Variants in EPRS1 observed in about 807,000 individuals in gnomAD.
EPRS1 encodes glutamyl-prolyl-tRNA synthetase 1, also known as bifunctional glutamate/proline--tRNA ligase.
In EPRS1, 107 loss-of-function variants were observed where a neutral mutation model predicts 188.3. The ratio of observed to expected loss-of-function variants is 0.57; its 90% CI spans 0.49 to 0.67. EPRS1 has a LOEUF of 0.67. Ranked by LOEUF, EPRS1 falls within the 30% of genes least tolerant of loss-of-function variation. The probability of loss-of-function intolerance (pLI) is 0.00; values close to 1 mark genes in which losing one functional copy is unlikely to be tolerated. For synonymous variants in EPRS1, 596 were observed against 593.1 expected (o/e 1.00, Z -0.07); for missense variants, 1,577 against 1,802.2 (o/e 0.88, Z 2.26).
intron 12 of EPRS1, among the ~76,000 whole-genome samples, chr1:220,015,789 TAATATAAAAAAAAAA>T (rs1439676922): frequency 2.4e-5 from 2 of 82,976 alleles, no homozygotes; most frequent in African/African-American, 6.0e-5. Flanking sequence ...AGCAAGAAGG[TAATATAAAAAAAAAA>T]AAAAGAAGAT....
rs780874173 is a variant in EPRS1, at chr1:219,979,533, T to G, written c.3794A>C (p.Lys1265Thr). The change falls in exon 27 of 32, where the codon AAG (lysine) becomes ACG (threonine). Residue 1265 changes from lysine (K) to threonine (T), a missense_variant. This residue lies in a region of EPRS1 where 296 missense variants were observed against 327.9 expected (regional missense o/e 0.90). Coordinates refer to ENST00000366923, the MANE Select transcript of EPRS1 (RefSeq NM_004446.3). ...VFEDPKIPGE[K>T]QFAYQNSWGL... ...CCAGGAGTTTTGATAGGCAAATTGC[T>G]TCTCTCCTGGTATCTTTGGATCTTC... 6.2e-7 allele frequency: 1 copy of G among 1,613,902 alleles called. No homozygotes were observed. The highest frequency in any genetic ancestry group is 1.1e-5 in the South Asian group (1 of 91,076).
rs907839129 is a variant in EPRS1 at position 220,018,056 on chromosome 1, A to G, written c.1494+393T>C. 25 of 870,434 alleles carry G rather than the reference A, an allele frequency of 2.9e-5. No homozygotes were observed. In the Admixed American group the frequency reaches 6.4e-4, roughly 22 times the overall value. The allele number at this position is 870,434 out of a possible 1,614,324, so 53.9% of individuals were successfully genotyped here. A position where few individuals can be genotyped will look rare whatever the true frequency, so the allele number is the denominator to read the frequency against. On this transcript the variant is annotated intron_variant, in intron 12 of 31. Transcript: ENST00000366923. ...ATGTGATTGTGCTTCAAAGCCATATAACATCTCAGGTTTTAACATGTAATA... is the reference window on the plus strand; with the variant it reads ...ATGTGATTGTGCTTCAAAGCCATATGACATCTCAGGTTTTAACATGTAATA...
intron 30 of EPRS1, among the ~76,000 whole-genome samples, chr1:219,971,252 C>G (rs1660658988): frequency 6.6e-6 from 1 of 152,142 alleles, no homozygotes; most frequent in African/African-American, 2.4e-5. Context: ...ATAAGTGATT[C>G]ATTCCAATAA....
intron 12 of EPRS1, chr1:220,018,235 T>C: frequency 8.9e-7 from 1 of 1,128,972 alleles, no homozygotes. Flanking sequence ...AGTTTGTTTG[T>C]TTCAATCATT....
In EPRS1 at chr1:219,983,214, G is replaced by A; in HGVS notation, c.3275C>T (p.Thr1092Ile). ...CTCTGGGGCAAAGTCAGCAACATGA[G>A]TCTTCTCTTTCTCTAATGCACTTTG... is the stretch of plus-strand genomic sequence containing the variant. ...VSQSALEKEKTHVADFAPEVA... is the reference protein window; with the variant it reads ...VSQSALEKEKIHVADFAPEVA... The change falls in exon 22 of 32, where the codon ACT (threonine) becomes ATT (isoleucine). Residue 1092 changes from threonine (T) to isoleucine (I), a missense_variant. Thr to Ile is a moderately conservative substitution (Grantham distance 89, BLOSUM62 -1). Around this residue, in one of 3 missense-constraint regions of EPRS1, gnomAD observed 1,278 missense variants for 1,457.4 expected, o/e 0.88. Coordinates refer to ENST00000366923, the MANE Select transcript of EPRS1 (RefSeq NM_004446.3). 1 of 1,613,948 alleles carries A rather than the reference G, an allele frequency of 6.2e-7. No individual in the cohort carries two copies. Among genetic ancestry groups the A allele is most frequent in the Non-Finnish European group, 8.5e-7 (1 of 1,179,854 alleles).
At chr1:220,013,128 G>A (rs950988419) in intron 12 of EPRS1, among the ~76,000 whole-genome samples, 2 of 152,188 alleles carry the variant, frequency 1.3e-5, no homozygotes, top group African/African-American at 4.8e-5. Context: ...TCTTAAACCT[G>A]TGACTCTTCT....
rs1660959017 is a variant in EPRS1 at position 219,984,228 on chromosome 1, T to C, written c.3068A>G (p.Asn1023Ser). ...CACCTGAGAATACCAATCAGCAAGA[T>C]TTTCTTCTTTTTTTGCCTCAAGACC... ...RLGLEAKKEE[N>S]LADWYSQVIT... The change falls in exon 21 of 32, where the codon AAT (asparagine) becomes AGT (serine). Residue 1023 changes from asparagine (N) to serine (S), a missense_variant. Coordinates refer to ENST00000366923, the MANE Select transcript of EPRS1 (RefSeq NM_004446.3). 1.2e-6 allele frequency: 2 copies of C among 1,613,626 alleles called. No homozygotes were observed. Among genetic ancestry groups the C allele is most frequent in the Non-Finnish European group, 1.7e-6 (2 of 1,179,646 alleles).
Position 219,979,377 on chromosome 1 carries a change from T to C in EPRS1, c.3909+41A>G, listed in dbSNP as rs751915866. 8 of 1,456,322 alleles carry C rather than the reference T, an allele frequency of 5.5e-6. No individual in the cohort carries two copies. The South Asian group carries it at 9.5e-5, about 17-fold the overall frequency. 90.2% of individuals were successfully genotyped at this position (1,456,322 alleles called of 1,614,324 possible). A position where few individuals can be genotyped will look rare whatever the true frequency, so the allele number is the denominator to read the frequency against. On this transcript the variant is annotated intron_variant, in intron 27 of 31. Coordinates refer to ENST00000366923, the MANE Select transcript of EPRS1 (RefSeq NM_004446.3). Reference sequence around the variant, plus strand: ...AATTTCCTTTAGTAAATATGGCTTGTATTTTATAAAATGAGTGATAAACAG... The same window carrying C: ...AATTTCCTTTAGTAAATATGGCTTGCATTTTATAAAATGAGTGATAAACAG...
chr1:219,999,806 T>C (rs1661308945), intron 17 of EPRS1, among the ~76,000 whole-genome samples: 1 of 152,104 alleles, frequency 6.6e-6, no homozygotes, highest in Non-Finnish European at 1.5e-5. Flanking sequence ...AAACCCCATC[T>C]CTACTAAAAA....
intron 27 of EPRS1, 124 bp downstream of exon 27, chr1:219,979,294 C>G: frequency 1.5e-6 from 1 of 671,756 alleles, no homozygotes; most frequent in South Asian, 2.0e-5. Flanking sequence ...CTGCATTCCA[C>G]GTTGTTTTTA....
chr1:219,970,777 CAA>C (rs35656997), intron 30 of EPRS1, among the ~76,000 whole-genome samples: 22 of 131,312 alleles, frequency 1.7e-4, no homozygotes, highest in Non-Finnish European at 1.8e-4. Context: ...GACCCTGTAC[CAA>C]AAAAAAAAAA....
Position 219,980,231 on chromosome 1 carries a change from T to C in EPRS1, c.3565A>G (p.Ile1189Val). ...MEEAAEEVLQ[I>V]LDLYAQVYEE... ...TATACCTGAGCATATAAGTCAAGTA[T>C]CTGCAAGACCTGTAACATTTTAAAT... Residue 1189 changes from isoleucine to valine, a missense_variant, in exon 26 of 32, where the codon ATA (isoleucine) becomes GTA (valine). Ile to Val is a conservative substitution (Grantham distance 29). Transcript: ENST00000366923. 1 of 1,610,858 alleles carries C rather than the reference T, an allele frequency of 6.2e-7. No individual in the cohort carries two copies. Among genetic ancestry groups the C allele is most frequent in the Non-Finnish European group, 8.5e-7 (1 of 1,177,848 alleles).
At chr1:220,039,612 A>G (rs2647478) in intron 2 of EPRS1, among the ~76,000 whole-genome samples, 131,840 of 151,430 alleles carry the variant, frequency 0.87, 57,784 homozygotes, top group African/African-American at 0.97. Context: ...TCCGCCTCCC[A>G]GGTTCAAGCA....
At chr1:220,016,117 G>A (rs1413449595) in intron 12 of EPRS1, among the ~76,000 whole-genome samples, 6 of 152,132 alleles carry the variant, frequency 3.9e-5, no homozygotes, top group Non-Finnish European at 1.5e-5. Flanking sequence ...AGGCTGAGGT[G>A]GGCGGATCAC....
At position 219,972,150 on chromosome 1, in the gene EPRS1, AC is replaced by A; in HGVS notation, c.4245-4del. 6.5e-7 allele frequency: 1 copy of A among 1,548,952 alleles called. No individual in the cohort carries two copies. The highest frequency in any genetic ancestry group is 8.8e-7 in the Non-Finnish European group (1 of 1,142,686). On this transcript the variant is annotated splice_region_variant and splice_polypyrimidine_tract_variant and intron_variant, in intron 29 of 31. Transcript: ENST00000366923. ...GAGTCTTAAGGTCTTCAGAAGCCCT[AC>A]CAAACAAAATTAGAAAACAATACAT...
intron 21 of EPRS1, among the ~76,000 whole-genome samples, chr1:219,983,982 TA>T (rs879344601): frequency 2.1e-3 from 300 of 144,524 alleles, no homozygotes; most frequent in Admixed American, 2.0e-3. Context: ...TTATCTCACC[TA>T]AAAAAAAAAA....
intron 16 of EPRS1, among the ~76,000 whole-genome samples, chr1:220,001,894 C>T (rs560703611): frequency 4.0e-5 from 6 of 151,624 alleles, no homozygotes; most frequent in African/African-American, 1.2e-4. Context: ...CCAGGCGTGG[C>T]GGCGGGTGCC....
chr1:220,028,569 A>C (rs935805791), intron 6 of EPRS1, among the ~76,000 whole-genome samples: 1 of 152,174 alleles, frequency 6.6e-6, no homozygotes, highest in African/African-American at 2.4e-5. Context: ...ACAATTTTTA[A>C]TTATATGGAT....
At chr1:220,009,448 C>G (rs924710918) in intron 13 of EPRS1, among the ~76,000 whole-genome samples, 3 of 152,118 alleles carry the variant, frequency 2.0e-5, no homozygotes, top group African/African-American at 4.8e-5. Flanking sequence ...AACTCTTTTA[C>G]CAGCCTGGGC....
Sources: allele counts gnomAD v4.1 joint callset (sites outside exome capture counted in the v4.1 genomes callset), GRCh38; gene constraint gnomAD v4.1.1; regional missense constraint gnomAD v4.1.1; transcripts MANE v1.5; gene names NCBI Gene and HGNC (gene_info 2026-07-23, HGNC 2026-07-21).